The following NUGGC variants were observed in gnomAD, a reference collection of about 807,000 sequenced individuals.
NUGGC encodes the protein nuclear GTPase, germinal center associated, also known as nuclear GTPase SLIP-GC.
Under a neutral mutation model 92.6 loss-of-function variants are expected in NUGGC, and 58 were observed. That is an observed-to-expected ratio of 0.63 (90% confidence interval 0.51 to 0.78). The LOEUF is 0.78. Ranked by LOEUF, NUGGC falls within the 30% of genes least tolerant of loss-of-function variation. The probability of loss-of-function intolerance (pLI) is 0.00; values close to 1 mark genes in which losing one functional copy is unlikely to be tolerated. For missense variants in NUGGC, 925 were observed against 964.6 expected (o/e 0.96, Z 0.54); for synonymous variants, 376 against 366.4 (o/e 1.03, Z -0.30).
At position 28,031,340 on chromosome 8, in the gene NUGGC, T is replaced by A; in HGVS notation, c.1811A>T (p.Asp604Val). ...CTCCTGCAGGGACTGCTTAAAAGCATCTATGTGAGGCATCAGAGCTGAACC... is the reference window on the plus strand; with the variant it reads ...CTCCTGCAGGGACTGCTTAAAAGCAACTATGTGAGGCATCAGAGCTGAACC... ...PTGSALMPHI[D>V]AFKQSLQEKM... Residue 604 changes from aspartate (D) to valine (V), a missense_variant, in exon 15 of 19, where the codon GAT (aspartate) becomes GTT (valine). Asp to Val is a radical substitution (Grantham distance 152). Coordinates refer to ENST00000413272, the MANE Select transcript of NUGGC (RefSeq NM_001010906.2). 1 of 1,613,974 alleles carries A rather than the reference T, an allele frequency of 6.2e-7. No individual in the cohort carries two copies. The highest frequency in any genetic ancestry group is 2.2e-5 in the East Asian group (1 of 44,884).
At chr8:28,025,181 T>C (rs1224341844) in intron 18 of NUGGC, among the ~76,000 whole-genome samples, 1 of 152,224 alleles carries the variant, frequency 6.6e-6, no homozygotes, top group Non-Finnish European at 1.5e-5. Context: ...TCAGAATCGC[T>C]TGCTGAGTGA....
chr8:28,069,812 G>A (rs972640986), intron 3 of NUGGC, 160 bp from the exon 4 acceptor site: 6 of 609,520 alleles, frequency 9.8e-6, no homozygotes, highest in African/African-American at 3.7e-5. Flanking sequence ...GAGGGATGGC[G>A]GCTCACTGGA....
chr8:28,029,153 A>T (rs1024989670), intron 17 of NUGGC, 113 bp downstream of exon 17: 22 of 1,060,940 alleles, frequency 2.1e-5, no homozygotes, highest in Non-Finnish European at 3.0e-5. Context: ...CCCAGAAAGC[A>T]TCTGTTCCAT....
chr8:28,062,455 A>G (rs908884105), intron 7 of NUGGC, among the ~76,000 whole-genome samples: 1 of 151,580 alleles, frequency 6.6e-6, no homozygotes, highest in Non-Finnish European at 1.5e-5. Context: ...ATCTCTACAA[A>G]AAAAAAAAAA....
At chr8:28,047,276 T>G (rs1237774039) in intron 11 of NUGGC, among the ~76,000 whole-genome samples, 1 of 152,110 alleles carries the variant, frequency 6.6e-6, no homozygotes, top group Admixed American at 6.5e-5. Context: ...AGCAACCCAA[T>G]TATTTGACCT....
intron 6 of NUGGC, 137 bp from the exon 7 acceptor site, chr8:28,064,868 T>G (rs1437794083): frequency 2.9e-6 from 2 of 680,216 alleles, no homozygotes; most frequent in Admixed American, 5.0e-5. Context: ...TGCAATCAGG[T>G]CTGTAGGACC....
intron 10 of NUGGC, among the ~76,000 whole-genome samples, chr8:28,048,978 C>T (rs1319435897): frequency 2.7e-5 from 4 of 150,248 alleles, no homozygotes; most frequent in Non-Finnish European, 5.9e-5. Flanking sequence ...AATAGCATTA[C>T]ATATTCTTTC....
chr8:28,074,538 C>T, intron 1 of NUGGC, 82 bp from the exon 2 acceptor site: 2 of 859,562 alleles, frequency 2.3e-6, no homozygotes, highest in East Asian at 2.6e-5. Context: ...TGTCAGTCTG[C>T]TTGTGCGGTA....
At chr8:28,061,996 A>T (rs1428356707) in intron 7 of NUGGC, among the ~76,000 whole-genome samples, 1 of 152,180 alleles carries the variant, frequency 6.6e-6, no homozygotes, top group East Asian at 1.9e-4. Context: ...GAATTCCAAC[A>T]TATAAACTTG....
intron 10 of NUGGC, among the ~76,000 whole-genome samples, chr8:28,055,148 G>A (rs900215598): frequency 6.6e-6 from 1 of 151,818 alleles, no homozygotes; most frequent in Non-Finnish European, 1.5e-5. Flanking sequence ...AGCTACTCAG[G>A]AGGCTGAGGC....
Position 28,060,448 on chromosome 8 carries a change from G to C in NUGGC, c.1075C>G (p.Leu359Val). The change falls in exon 8 of 19, where the codon CTC (leucine) becomes GTC (valine). Residue 359 changes from leucine (L) to valine (V), a missense_variant. Physicochemically the swap from Leu to Val is conservative, Grantham distance 32. Transcript: ENST00000413272. ...VALVVTKMDKLHLPEYLRERK... is the reference protein window; with the variant it reads ...VALVVTKMDKVHLPEYLRERK... ...TACCTTAGGTATTCTGGCAAGTGGA[G>C]TTTGTCCATCTTGGTGACCACCAGG... The C allele has an allele frequency of 6.2e-7, 1 of 1,613,830 alleles. No individual in the cohort carries two copies.
chr8:28,038,150 C>T (rs1809604046), intron 13 of NUGGC, among the ~76,000 whole-genome samples: 2 of 152,162 alleles, frequency 1.3e-5, no homozygotes, highest in African/African-American at 2.4e-5. Flanking sequence ...CTAAGAATGG[C>T]TTCAGTTAGG....
intron 10 of NUGGC, among the ~76,000 whole-genome samples, chr8:28,048,291 G>A (rs1809892507): frequency 6.6e-6 from 1 of 152,198 alleles, no homozygotes; most frequent in African/African-American, 2.4e-5. Flanking sequence ...CTGCCTGCGT[G>A]TTATGGGCTG....
chr8:28,060,171 T>G lies in NUGGC; in HGVS notation c.1097+255A>C, dbSNP rs1810261141. ...ACCATCTGCATCTGGTACATGTGAG[T>G]GGCACCCCCAGAGCTGTGTAGGGGA... On this transcript the variant is annotated intron_variant, in intron 8 of 18. Transcript: ENST00000413272. 8 of 613,726 alleles carry G rather than the reference T, an allele frequency of 1.3e-5. No individual in the cohort carries two copies. The Admixed American group carries it at 1.7e-4, about 13-fold the overall frequency. The allele number at this position is 613,726 out of a possible 1,614,324, so 38.0% of individuals were successfully genotyped here. A position where few individuals can be genotyped will look rare whatever the true frequency, so the allele number is the denominator to read the frequency against.
chr8:28,029,987 C>T (rs1027265024), intron 16 of NUGGC, among the ~76,000 whole-genome samples: 3 of 152,124 alleles, frequency 2.0e-5, no homozygotes, highest in African/African-American at 7.2e-5. Flanking sequence ...AATGAGTTCA[C>T]AAGTGAGTGA....
rs200111257 is a variant in NUGGC at position 28,047,559 on chromosome 8, T to G, written c.1260A>C (p.Thr420=). Residue 420 remains threonine, a synonymous_variant, in exon 11 of 19, where the codon ACA becomes ACC. Transcript: ENST00000413272. Reference sequence around the variant, plus strand: ...GCTGCCAGTACTCCTGGGCGCTGACTGTATACACCAGATCTGAGGCTTCCA... The same window carrying G: ...GCTGCCAGTACTCCTGGGCGCTGACGGTATACACCAGATCTGAGGCTTCCA... ...KVLEASDLVY[T]VSAQEYWQQA... 6.4e-7 allele frequency: 1 copy of G among 1,571,288 alleles called. No individual in the cohort carries two copies. Among genetic ancestry groups the G allele is most frequent in the African/African-American group, 1.3e-5 (1 of 74,112 alleles).
chr8:28,057,330 C>CTTTTTTTTTTTTTTTTTTTT (rs57167648), intron 9 of NUGGC, among the ~76,000 whole-genome samples: 4 of 124,042 alleles, frequency 3.2e-5, no homozygotes, highest in East Asian at 4.7e-4. Context: ...ATTTTCTTTC[C>CTTTTTTTTTTTTTTTTTTTT]TTTTTTTTTT....
At chr8:28,069,219 C>T (rs571573865) in intron 4 of NUGGC, among the ~76,000 whole-genome samples, 1 of 152,188 alleles carries the variant, frequency 6.6e-6, no homozygotes, top group East Asian at 1.9e-4. Context: ...AATTCTGGAC[C>T]CTCTCACTGA....
At chr8:28,041,723 A>C (rs1174406319) in intron 12 of NUGGC, among the ~76,000 whole-genome samples, 1 of 152,234 alleles carries the variant, frequency 6.6e-6, no homozygotes, top group Non-Finnish European at 1.5e-5. Flanking sequence ...GTCCTCAAGT[A>C]ATGCTGGTCT....
Sources: allele counts gnomAD v4.1 joint callset (sites outside exome capture counted in the v4.1 genomes callset), GRCh38; gene constraint gnomAD v4.1.1; transcripts MANE v1.5; gene names NCBI Gene and HGNC (gene_info 2026-07-23, HGNC 2026-07-21).